CNOT10: variants seen among roughly 807,000 people sequenced by gnomAD.
CNOT10 encodes CCR4-NOT transcription complex subunit 10.
A neutral mutation model predicts 94.6 loss-of-function variants in CNOT10; 30 were observed. That is an observed-to-expected ratio of 0.32 (90% CI 0.24 to 0.43). CNOT10 has a LOEUF of 0.43. CNOT10 is among the 20% of genes least tolerant of loss of function. The pLI is 1.00. For missense variants in CNOT10, 759 were observed against 877.2 expected, an observed-to-expected ratio of 0.87 and a Z score of 1.70; for synonymous variants, 289 against 301.6, an observed-to-expected ratio of 0.96 and a Z score of 0.43.
chr3:32,773,360 G>A, intron 18 of CNOT10, 97 bp from the exon 19 acceptor site: 2 of 1,265,212 alleles, frequency 1.6e-6, no homozygotes, highest in East Asian at 2.5e-5. Flanking sequence ...AGCTCTTCTA[G>A]ATCATCTTTT....
chr3:32,695,805 G>T (rs1697024080), intron 1 of CNOT10: 1 of 1,535,556 alleles, frequency 6.5e-7, no homozygotes, highest in South Asian at 1.2e-5. Flanking sequence ...AAATGCTGTG[G>T]GATTATGTGC....
At chr3:32,737,990 A>G (rs575880674) in intron 13 of CNOT10, among the ~76,000 whole-genome samples, 1 of 152,250 alleles carries the variant, frequency 6.6e-6, no homozygotes, top group South Asian at 2.1e-4. Flanking sequence ...GTGCTTCTAT[A>G]TCCGTGAGGA....
At chr3:32,716,360 A>C (rs1396789429) in intron 6 of CNOT10, 49 bp downstream of exon 6, 2 of 910,386 alleles carry the variant, frequency 2.2e-6, no homozygotes, top group East Asian at 5.0e-5. Context: ...ATTTAATTGT[A>C]GTTATGACAA....
intron 15 of CNOT10, chr3:32,764,175 A>G (rs1471478366): frequency 2.9e-6 from 1 of 349,488 alleles, no homozygotes; most frequent in Non-Finnish European, 5.1e-6. Context: ...CGTCTCTACT[A>G]AAAATACAAA....
At chr3:32,753,386 C>A (rs1371980113) in intron 13 of CNOT10, 1 of 1,394,414 alleles carries the variant, frequency 7.2e-7, no homozygotes, top group South Asian at 1.2e-5. Context: ...CAAGAATGTT[C>A]AAAGAATGAT....
chr3:32,742,137 G>T (rs1699499660), intron 13 of CNOT10, among the ~76,000 whole-genome samples: 1 of 151,572 alleles, frequency 6.6e-6, no homozygotes. Context: ...TGTATTTTTA[G>T]TAGAGACGGG....
intron 10 of CNOT10, among the ~76,000 whole-genome samples, chr3:32,728,755 A>G (rs1559497048): frequency 6.6e-6 from 1 of 152,206 alleles, no homozygotes; most frequent in East Asian, 1.9e-4. Context: ...TCCAGGGGTC[A>G]GGATACATGC....
intron 8 of CNOT10, among the ~76,000 whole-genome samples, chr3:32,720,466 A>T (rs576968483): frequency 6.6e-6 from 1 of 151,634 alleles, no homozygotes; most frequent in Non-Finnish European, 1.5e-5. Flanking sequence ...TCCAGGTTGG[A>T]TCGCTTTCCT....
intron 13 of CNOT10, among the ~76,000 whole-genome samples, chr3:32,743,095 C>T (rs1370566395): frequency 6.6e-6 from 1 of 150,698 alleles, no homozygotes; most frequent in East Asian, 2.0e-4. Context: ...AAGCAGTTCT[C>T]CTGCCTCAGC....
intron 1 of CNOT10, among the ~76,000 whole-genome samples, chr3:32,697,219 A>T (rs1382690549): frequency 6.6e-6 from 1 of 151,712 alleles, no homozygotes; most frequent in Non-Finnish European, 1.5e-5. Flanking sequence ...CAAAGTGCTG[A>T]GATTATAGGC....
At chr3:32,758,963 G>A (rs1700325715) in intron 13 of CNOT10, among the ~76,000 whole-genome samples, 1 of 152,032 alleles carries the variant, frequency 6.6e-6, no homozygotes, top group Admixed American at 6.6e-5. Context: ...GACTTAATTG[G>A]TTGAGAAAAG....
chr3:32,727,524 A>G (rs1340091176), intron 9 of CNOT10, 144 bp from the exon 10 acceptor site: 1 of 615,994 alleles, frequency 1.6e-6, no homozygotes, highest in Non-Finnish European at 2.9e-6. Flanking sequence ...AATGGAGACC[A>G]CCATTGGCGA....
intron 1 of CNOT10, among the ~76,000 whole-genome samples, chr3:32,700,176 A>G (rs962278428): frequency 2.0e-5 from 3 of 151,908 alleles, no homozygotes; most frequent in Non-Finnish European, 2.9e-5. Flanking sequence ...GGGTTTTACC[A>G]TGTTGTCCAG....
intron 14 of CNOT10, among the ~76,000 whole-genome samples, chr3:32,759,874 G>A: frequency 6.6e-6 from 1 of 152,064 alleles, no homozygotes; most frequent in East Asian, 1.9e-4. Flanking sequence ...AAAGGAGTGT[G>A]GTCAATGTGA....
chr3:32,734,479 A>G (rs1242004229), intron 11 of CNOT10, among the ~76,000 whole-genome samples: 3 of 152,184 alleles, frequency 2.0e-5, no homozygotes, highest in Non-Finnish European at 2.9e-5. Context: ...TGCCCTCATT[A>G]CAGTTGCCCT....
intron 11 of CNOT10, among the ~76,000 whole-genome samples, chr3:32,734,529 A>G (rs1651278658): frequency 6.6e-6 from 1 of 152,134 alleles, no homozygotes; most frequent in Non-Finnish European, 1.5e-5. Flanking sequence ...TAACATTGTG[A>G]TATACATCAA....
At chr3:32,720,267 C>A (rs1698310442) in intron 8 of CNOT10, 36 bp downstream of exon 8, 3 of 1,072,778 alleles carry the variant, frequency 2.8e-6, no homozygotes, top group Non-Finnish European at 4.2e-6. Flanking sequence ...CTTTTTTTTG[C>A]CTTGCTCTTC....
intron 18 of CNOT10, 63 bp downstream of exon 18, chr3:32,770,025 A>G (rs1700828717): frequency 1.5e-6 from 2 of 1,300,230 alleles, no homozygotes; most frequent in Admixed American, 1.7e-5. Context: ...TTTGGTTGGG[A>G]GACAGGGTCT....
intron 8 of CNOT10, among the ~76,000 whole-genome samples, chr3:32,720,740 C>T (rs1002449950): frequency 2.0e-5 from 3 of 152,130 alleles, no homozygotes; most frequent in African/African-American, 7.2e-5. Context: ...TGACCTCAGT[C>T]TCCCAAAGTG....
Sources: gnomAD v4.1 joint callset for allele counts (sites outside exome capture counted in the v4.1 genomes callset) on GRCh38, gnomAD v4.1.1 for gene constraint, MANE v1.5 for transcripts, NCBI Gene and HGNC (gene_info 2026-07-23, HGNC 2026-07-21) for gene names.